Variants in ZNF462 observed in about 807,000 individuals in gnomAD.
ZNF462 encodes zinc finger protein 462.
A neutral mutation model predicts 201.9 loss-of-function variants in ZNF462; 10 were observed. That is an observed-to-expected ratio of 0.05 (90% confidence interval 0.03 to 0.08). The LOEUF (loss-of-function observed/expected upper bound fraction) is 0.08, where lower values mean the gene tolerates loss of function less well. Among genes scored for constraint, ZNF462 ranks in the 10% least tolerant of loss-of-function variants. The pLI is 1.00. For synonymous variants in ZNF462, 1,227 were observed against 1,193.3 expected (o/e 1.03, Z -0.58); for missense variants, 2,523 against 3,168.3 (o/e 0.80, Z 4.89).
chr9:106,900,203 CGTGTGTGTGTGTGT>C (rs3056258), intron 1 of ZNF462, among the ~76,000 whole-genome samples: 2,118 of 134,742 alleles, frequency 0.016, 52 homozygotes, highest in African/African-American at 0.05. Context: ...AGTATTCCAT[CGTGTGTGTGTGTGT>C]GTGTGTGTGT....
In ZNF462 at chr9:107,003,489, G is replaced by A; in HGVS notation, c.7189+63G>A. The A allele has an allele frequency of 1.3e-6, 2 of 1,584,670 alleles. No individual in the cohort carries two copies. Among genetic ancestry groups the A allele is most frequent in the South Asian group, 2.3e-5 (2 of 86,644 alleles). ...CTGGCATGTCCGTAGTGAGACAGAA[G>A]GGAGGCAGGAGGTTGTTGTAGGAGT... On this transcript the variant is annotated intron_variant, in intron 11 of 12. Coordinates refer to ENST00000277225, the MANE Select transcript of ZNF462 (RefSeq NM_021224.6). This position sits in a 1 kb window ranked among gnomAD's most constrained non-coding sequence, Gnocchi z 4.4.
Position 106,926,920 on chromosome 9 carries a change from C to T in ZNF462, c.3008C>T (p.Thr1003Met), listed in dbSNP as rs368547495. Residue 1003 changes from threonine to methionine, a missense_variant, in exon 3 of 13, where the codon ACG becomes ATG. Coordinates refer to ENST00000277225, the MANE Select transcript of ZNF462 (RefSeq NM_021224.6). The surrounding 1 kb of genome is among the most constrained non-coding windows in gnomAD (Gnocchi z 7.9). ...GCTCGTGGTGGTGGTTTGCCAGCTACGTTCAACAAAAACACTCCTAAGACC... is the reference window on the plus strand; with the variant it reads ...GCTCGTGGTGGTGGTTTGCCAGCTATGTTCAACAAAAACACTCCTAAGACC... ...PVARGGGLPA[T>M]FNKNTPKTFT... is the part of the protein sequence containing the mutation. 18 of 1,614,000 alleles carry T rather than the reference C, an allele frequency of 1.1e-5. No individual in the cohort carries two copies. Among genetic ancestry groups the T allele is most frequent in the African/African-American group, 6.7e-5 (5 of 74,884 alleles).
rs1159600605 is a variant in ZNF462, at chr9:106,977,581, C to G, written c.6832+3308C>G. Among the ~76,000 whole-genome samples the G allele has an allele frequency of 1.3e-5, 2 of 151,638 alleles. No homozygotes were observed. On this transcript the variant is annotated intron_variant, in intron 9 of 12. Transcript: ENST00000277225. This position sits in a 1 kb window ranked among gnomAD's most constrained non-coding sequence, Gnocchi z 4.6. ...TTTACTCATGTGTTCAGCAAACATT[C>G]ATTATTTGCTTGTTACGTGCCACGC...
chr9:106,940,709 A>G (rs1464235365), intron 7 of ZNF462, among the ~76,000 whole-genome samples: 1 of 151,916 alleles, frequency 6.6e-6, no homozygotes, highest in Non-Finnish European at 1.5e-5. Context: ...CAATCTCCTT[A>G]GCTACTGTGT....
At position 106,925,135 on chromosome 9, in the gene ZNF462, C is replaced by A. The variant is rs769822190; in HGVS notation, c.1223C>A (p.Thr408Lys). 1 of 1,614,200 alleles carries A rather than the reference C, an allele frequency of 6.2e-7. No homozygotes were observed. Among genetic ancestry groups the A allele is most frequent in the South Asian group, 1.1e-5 (1 of 91,084 alleles). ...GGTTTAAGTGCTATGGATCACCAGACATCAGGCCTGTCTGCAGAGCAGCTG... is the reference window on the plus strand; with the variant it reads ...GGTTTAAGTGCTATGGATCACCAGAAATCAGGCCTGTCTGCAGAGCAGCTG... ...ENGLSAMDHQ[T>K]SGLSAEQLMG... Residue 408 changes from threonine (T) to lysine (K), a missense_variant, in exon 3 of 13, where the codon ACA (threonine) becomes AAA (lysine). Physicochemically the swap from Thr to Lys is moderately conservative, Grantham distance 78. This residue lies in a region of ZNF462 where 480 missense variants were observed against 544.4 expected (regional missense o/e 0.88). Transcript: ENST00000277225. The surrounding 1 kb of genome is among the most constrained non-coding windows in gnomAD (Gnocchi z 7.9).
chr9:106,932,745 T>G lies in ZNF462; in HGVS notation c.6116+196T>G, dbSNP rs781336420. The G allele has an allele frequency of 3.5e-5, 24 of 677,270 alleles. 1 individual carries two copies. Among genetic ancestry groups the G allele is most frequent in the Non-Finnish European group, 5.4e-5 (22 of 406,380 alleles). 42.0% of individuals were successfully genotyped at this position (677,270 alleles called of 1,614,324 possible). A position where few individuals can be genotyped will look rare whatever the true frequency, so the allele number is the denominator to read the frequency against. ...AGGAGATTGATCGGATGGCGTTAGA[T>G]TTGGCAAATGCAGGCATTTTAAAAA... On this transcript the variant is annotated intron_variant, in intron 5 of 12. Transcript: ENST00000277225. The surrounding 1 kb of genome is among the most constrained non-coding windows in gnomAD (Gnocchi z 6.8).
rs937762806 is a variant in ZNF462, at chr9:106,883,611, A to G, written c.-31+20256A>G. 1.3e-5 allele frequency among the ~76,000 whole-genome samples: 2 copies of G among 152,240 alleles called. No homozygotes were observed. The highest frequency in any genetic ancestry group is 4.8e-5 in the African/African-American group (2 of 41,462). On this transcript the variant is annotated intron_variant, in intron 1 of 12. Coordinates refer to ENST00000277225, the MANE Select transcript of ZNF462 (RefSeq NM_021224.6). This position sits in a 1 kb window ranked among gnomAD's most constrained non-coding sequence, Gnocchi z 4.9. ...CTAAGTAAAATTATTACTGCAAGGA[A>G]AGATTAGATTAGAGTTGGCTAATGG...
In ZNF462 at chr9:106,927,576, A is replaced by G; in HGVS notation, c.3664A>G (p.Asn1222Asp). 6.2e-7 allele frequency: 1 copy of G among 1,613,854 alleles called. No homozygotes were observed. Among genetic ancestry groups the G allele is most frequent in the Non-Finnish European group, 8.5e-7 (1 of 1,179,896 alleles). Residue 1222 changes from asparagine (N) to aspartate (D), a missense_variant, in exon 3 of 13, where the codon AAT becomes GAT. Transcript: ENST00000277225. Reference protein sequence around the residue: ...YQKKHRDFKANADVIRQHTAT... With the variant: ...YQKKHRDFKADADVIRQHTAT... ...GAAGAAGCACCGAGACTTCAAGGCCAATGCAGATGTGATCCGGCAGCATAC... is the reference window on the plus strand; with the variant it reads ...GAAGAAGCACCGAGACTTCAAGGCCGATGCAGATGTGATCCGGCAGCATAC...
intron 7 of ZNF462, among the ~76,000 whole-genome samples, chr9:106,945,597 T>C (rs1254953337): frequency 3.3e-5 from 5 of 152,236 alleles, no homozygotes; most frequent in African/African-American, 1.2e-4. Context: ...ACATGCGATG[T>C]AAGACATAAT....
At chr9:106,906,822 T>A (rs1201550654) in intron 1 of ZNF462, among the ~76,000 whole-genome samples, 3 of 152,246 alleles carry the variant, frequency 2.0e-5, no homozygotes, top group Non-Finnish European at 4.4e-5. Flanking sequence ...CACGCCTAGA[T>A]AATTTACCTT....
intron 10 of ZNF462, among the ~76,000 whole-genome samples, chr9:106,986,763 C>T (rs1171978739): frequency 1.3e-5 from 2 of 152,000 alleles, no homozygotes; most frequent in Admixed American, 6.6e-5. Flanking sequence ...TATCCCTTGC[C>T]CCCCTCCACC....
chr9:106,929,550 A>G lies in ZNF462; in HGVS notation c.5638A>G (p.Ile1880Val). The G allele has an allele frequency of 1.2e-6, 2 of 1,614,158 alleles. No individual in the cohort carries two copies. The highest frequency in any genetic ancestry group is 1.7e-6 in the Non-Finnish European group (2 of 1,180,030). The change falls in exon 3 of 13, where the codon ATT (isoleucine) becomes GTT (valine). Residue 1880 changes from isoleucine (I) to valine (V), a missense_variant. Ile to Val is a conservative substitution (Grantham distance 29, BLOSUM62 3). Coordinates refer to ENST00000277225, the MANE Select transcript of ZNF462 (RefSeq NM_021224.6). This position sits in a 1 kb window ranked among gnomAD's most constrained non-coding sequence, Gnocchi z 8.7. ...HSRDLKRDFI[I>V]LGNGPRLQNS... ...TCGGGACCTAAAGAGGGACTTCATC[A>G]TTCTGGGCAACGGCCCCCGCTTGCA... is the stretch of plus-strand genomic sequence containing the variant.
At chr9:106,879,518 G>A (rs1827998440) in intron 1 of ZNF462, among the ~76,000 whole-genome samples, 1 of 152,114 alleles carries the variant, frequency 6.6e-6, no homozygotes, top group Non-Finnish European at 1.5e-5. Context: ...AAAGGAAAGA[G>A]TTTACTGCAC....
In ZNF462 at chr9:106,935,596, A is replaced by C; in HGVS notation, c.6210A>C (p.Lys2070Asn). The C allele has an allele frequency of 6.2e-7, 1 of 1,614,098 alleles. No individual in the cohort carries two copies. The highest frequency in any genetic ancestry group is 8.5e-7 in the Non-Finnish European group (1 of 1,179,962). ...SFKSSYNSRL[K>N]THILKAHAGE... ...AGTCCTCCTATAACAGCCGGCTGAA[A>C]ACACATATACTCAAAGCTCATGCTG... Residue 2070 changes from lysine (K) to asparagine (N), a missense_variant, in exon 6 of 13, where the codon AAA becomes AAC. Transcript: ENST00000277225. This position sits in a 1 kb window ranked among gnomAD's most constrained non-coding sequence, Gnocchi z 4.1.
chr9:106,941,907 G>A (rs191714529), intron 7 of ZNF462, among the ~76,000 whole-genome samples: 2 of 152,232 alleles, frequency 1.3e-5, no homozygotes, highest in African/African-American at 2.4e-5. Context: ...AAAAACAGCT[G>A]TGGGGCTAGA....
chr9:106,991,258 C>T (rs1828250820), intron 10 of ZNF462, among the ~76,000 whole-genome samples: 1 of 151,850 alleles, frequency 6.6e-6, no homozygotes, highest in Non-Finnish European at 1.5e-5. Context: ...TTTCTGTATA[C>T]TAGTAATGGA....
chr9:106,960,368 G>A (rs1331047966), intron 7 of ZNF462, among the ~76,000 whole-genome samples: 1 of 152,118 alleles, frequency 6.6e-6, no homozygotes, highest in East Asian at 1.9e-4. Flanking sequence ...TCTTGAGGAG[G>A]AAGCACTGTG....
intron 1 of ZNF462, among the ~76,000 whole-genome samples, chr9:106,881,520 T>C (rs1057004800): frequency 2.6e-5 from 4 of 152,256 alleles, no homozygotes; most frequent in Non-Finnish European, 1.5e-5. Context: ...AAATCTCTGG[T>C]GCAGAGCTTG....
intron 7 of ZNF462, among the ~76,000 whole-genome samples, chr9:106,947,333 C>T (rs909580655): frequency 9.2e-5 from 14 of 152,310 alleles, no homozygotes; most frequent in African/African-American, 2.6e-4. Flanking sequence ...TTAGATGACT[C>T]GCACAGGTCA....
Sources: gnomAD v4.1 joint callset for allele counts (sites outside exome capture counted in the v4.1 genomes callset) on GRCh38, gnomAD v4.1.1 for gene constraint, gnomAD v4.1.1 regional missense constraint, Gnocchi (gnomAD v3.1) non-coding constraint, MANE v1.5 for transcripts, NCBI Gene and HGNC (gene_info 2026-07-23, HGNC 2026-07-21) for gene names.